Variants in MIOS observed in about 807,000 individuals in gnomAD.
The protein encoded by MIOS is GATOR2 complex protein MIOS.
In MIOS, 52 loss-of-function variants were observed where a neutral mutation model predicts 96.9. That is an observed-to-expected ratio of 0.54 (90% CI 0.43 to 0.68). The LOEUF is 0.68. Among genes scored for constraint, MIOS ranks in the 30% least tolerant of loss-of-function variants. MIOS has a pLI of 0.00. For synonymous variants in MIOS, 397 were observed against 359.5 expected, an observed-to-expected ratio of 1.10 and a Z score of -1.18; for missense variants, 1,005 against 1,052.8, an observed-to-expected ratio of 0.95 and a Z score of 0.63.
At chr7:7,567,212 G>A (rs1004692938) in intron 1 of MIOS, 140 bp downstream of exon 1, 3 of 152,270 alleles carry the variant, frequency 2.0e-5, no homozygotes, top group Admixed American at 6.5e-5. Context: ...CGCGCCGGGC[G>A]GCCGGCCGCC....
chr7:7,603,908 TG>T (rs1374770208), intron 11 of MIOS, among the ~76,000 whole-genome samples: 3 of 152,100 alleles, frequency 2.0e-5, no homozygotes, highest in Admixed American at 6.6e-5. Context: ...TCATGTCCTT[TG>T]TAGGGACATG....
rs950384779 is a variant in MIOS at position 7,594,269 on chromosome 7, G to C, written c.2044-711G>C. ...CTAGATAGGAAGGACCAAGCTAACT[G>C]TTAGTTCAGATGTGACTGAGCAATT... On this transcript the variant is annotated intron_variant, in intron 9 of 12. Coordinates refer to ENST00000340080, the MANE Select transcript of MIOS (RefSeq NM_019005.4). 2.0e-5 allele frequency among the ~76,000 whole-genome samples: 3 copies of C among 151,682 alleles called. No individual in the cohort carries two copies. In the East Asian group the frequency reaches 5.8e-4, roughly 29 times the overall value.
intron 9 of MIOS, among the ~76,000 whole-genome samples, chr7:7,593,633 C>T (rs1362017967): frequency 1.3e-5 from 2 of 151,894 alleles, no homozygotes; most frequent in African/African-American, 4.8e-5. Flanking sequence ...GTGACTCATG[C>T]GTGTAATCCC....
intron 10 of MIOS, among the ~76,000 whole-genome samples, chr7:7,595,465 G>A (rs77116710): frequency 0.013 from 1,923 of 152,218 alleles, 32 homozygotes; most frequent in African/African-American, 0.044. Context: ...GTGCAGTAAG[G>A]CAGGATTTGG....
intron 10 of MIOS, among the ~76,000 whole-genome samples, chr7:7,596,023 C>G (rs1784193705): frequency 6.6e-6 from 1 of 152,032 alleles, no homozygotes; most frequent in Non-Finnish European, 1.5e-5. Context: ...TTGAGTTCTT[C>G]CACCAATTTC....
At chr7:7,604,474 A>G (rs961210415) in intron 11 of MIOS, among the ~76,000 whole-genome samples, 2 of 152,168 alleles carry the variant, frequency 1.3e-5, no homozygotes, top group African/African-American at 4.8e-5. Flanking sequence ...TTTGGTACCT[A>G]TTGTTCCAAG....
chr7:7,579,333 A>T (rs1233831804), intron 5 of MIOS, among the ~76,000 whole-genome samples: 1 of 152,264 alleles, frequency 6.6e-6, no homozygotes, highest in Non-Finnish European at 1.5e-5. Context: ...CTTAACATGC[A>T]GGACATATTA....
In MIOS at chr7:7,596,396, G is replaced by A. The variant is rs1260647300; in HGVS notation, c.2336G>A (p.Arg779Gln). The A allele has an allele frequency of 6.2e-7, 1 of 1,614,074 alleles. No individual in the cohort carries two copies. Among genetic ancestry groups the A allele is most frequent in the Non-Finnish European group, 8.5e-7 (1 of 1,180,010 alleles). Reference sequence around the variant, plus strand: ...AAAGTCACAAGTTGTCCTGGCTGTCGAAAACCACTTCCTCGATGTGCGCTT... The same window carrying A: ...AAAGTCACAAGTTGTCCTGGCTGTCAAAAACCACTTCCTCGATGTGCGCTT... ...KSKVTSCPGCRKPLPRCALCL... is the reference protein window; with the variant it reads ...KSKVTSCPGCQKPLPRCALCL... Residue 779 changes from arginine to glutamine, a missense_variant, in exon 11 of 13, where the codon CGA becomes CAA. Around this residue, in one of 3 missense-constraint regions of MIOS, gnomAD observed 865 missense variants for 887.9 expected, o/e 0.97. Transcript: ENST00000340080.
In MIOS at chr7:7,583,511, C is replaced by T; in HGVS notation, c.1648+139C>T. On this transcript the variant is annotated intron_variant, in intron 6 of 12. Coordinates refer to ENST00000340080, the MANE Select transcript of MIOS (RefSeq NM_019005.4). ...ATTTAATTTTTGTTGGAGGAGAAAA[C>T]ACAGCAGTATATCTATAACAGTAAA... 4 of 981,906 alleles carry T rather than the reference C, an allele frequency of 4.1e-6. No individual in the cohort carries two copies. In the South Asian group the frequency reaches 8.6e-5, roughly 21 times the overall value. 60.8% of individuals were successfully genotyped at this position (981,906 alleles called of 1,614,324 possible). A position where few individuals can be genotyped will look rare whatever the true frequency, so the allele number is the denominator to read the frequency against.
intron 5 of MIOS, among the ~76,000 whole-genome samples, chr7:7,575,281 G>T (rs1472119900): frequency 2.6e-5 from 4 of 152,018 alleles, no homozygotes; most frequent in African/African-American, 9.7e-5. Flanking sequence ...TTTAGAGTAG[G>T]TTAAGTGTTT....
rs1783372335 is a variant in MIOS, at chr7:7,572,028, T to C, written c.-40-408T>C. On this transcript the variant is annotated intron_variant, in intron 3 of 12. Transcript: ENST00000340080. The surrounding 1 kb of genome is among the most constrained non-coding windows in gnomAD (Gnocchi z 4.8). ...ATTTCTGTCATTGCAGAAAGTTTTA[T>C]TGGGCAGTGCTGCTTTAAACTATTG... Among the ~76,000 whole-genome samples, 1 of 152,256 alleles carries C rather than the reference T, an allele frequency of 6.6e-6. No individual in the cohort carries two copies.
intron 11 of MIOS, 51 bp from the exon 12 acceptor site, chr7:7,605,891 T>G (rs771488483): frequency 2.6e-6 from 4 of 1,516,334 alleles, no homozygotes; most frequent in Non-Finnish European, 3.6e-6. Flanking sequence ...AAAGTAACTT[T>G]AAATAAAATA....
chr7:7,568,490 A>G (rs1463684224), intron 3 of MIOS, among the ~76,000 whole-genome samples: 14 of 152,178 alleles, frequency 9.2e-5, no homozygotes, highest in African/African-American at 2.7e-4. Context: ...GTGAAAAAAA[A>G]TACACTTCTT....
rs752165272 is a variant in MIOS, at chr7:7,608,026, G to C, written c.*934G>C. On this transcript the variant is annotated 3_prime_UTR_variant, in exon 13 of 13. Transcript: ENST00000340080. Reference sequence around the variant, plus strand: ...TTTCTGTGCTGTCAAATTCCGTCCTGATTTGGAATACCATACCTTGTTCTT... The same window carrying C: ...TTTCTGTGCTGTCAAATTCCGTCCTCATTTGGAATACCATACCTTGTTCTT... The C allele has an allele frequency of 1.3e-5, 2 of 152,100 alleles. No homozygotes were observed. The highest frequency in any genetic ancestry group is 2.4e-5 in the African/African-American group (1 of 41,412). 9.4% of individuals were successfully genotyped at this position (152,100 alleles called of 1,614,324 possible).
chr7:7,587,233 T>G (rs1783916753), intron 7 of MIOS, among the ~76,000 whole-genome samples: 2 of 152,038 alleles, frequency 1.3e-5, no homozygotes, highest in Non-Finnish European at 2.9e-5. Flanking sequence ...ATATCAATTC[T>G]GGTCTCGAAC....
At chr7:7,583,085 A>G in intron 5 of MIOS, 33 bp from the exon 6 acceptor site, 2 of 1,575,524 alleles carry the variant, frequency 1.3e-6, no homozygotes, top group Non-Finnish European at 1.7e-6. Flanking sequence ...ATATTTTGAA[A>G]TAAAACAATA....
chr7:7,574,115 G>C lies in MIOS; in HGVS notation c.1312G>C (p.Glu438Gln). Residue 438 changes from glutamate to glutamine, a missense_variant, in exon 5 of 13, where the codon GAA becomes CAA. This residue lies in a region of MIOS where 865 missense variants were observed against 887.9 expected (regional missense o/e 0.97). Transcript: ENST00000340080. ...TTAAATACTTATGAAGCAATACACA[G>C]AAGATATGGATCAGAAATCTCCAGG... is the stretch of plus-strand genomic sequence containing the variant. ...YTLHFMKQYT[E>Q]DMDQKSPGNK... 1 of 1,609,072 alleles carries C rather than the reference G, an allele frequency of 6.2e-7. No individual in the cohort carries two copies. Among genetic ancestry groups the C allele is most frequent in the Non-Finnish European group, 8.5e-7 (1 of 1,176,700 alleles).
Position 7,587,460 on chromosome 7 carries a change from T to G in MIOS, c.1819-1038T>G, listed in dbSNP as rs1027908795. Among the ~76,000 whole-genome samples, 107 of 152,328 alleles carry G rather than the reference T, an allele frequency of 7.0e-4. 1 individual carries two copies. Among genetic ancestry groups the G allele is most frequent in the African/African-American group, 2.5e-3 (105 of 41,562 alleles). On this transcript the variant is annotated intron_variant, in intron 7 of 12. Coordinates refer to ENST00000340080, the MANE Select transcript of MIOS (RefSeq NM_019005.4). Reference sequence around the variant, plus strand: ...AAATAATTATAATTAATGTTGCTATTTAAAAAATGTTAATAGTAATGTGAA... The same window carrying G: ...AAATAATTATAATTAATGTTGCTATGTAAAAAATGTTAATAGTAATGTGAA...
chr7:7,597,688 T>G (rs1300430520), intron 11 of MIOS, among the ~76,000 whole-genome samples: 4 of 149,200 alleles, frequency 2.7e-5, no homozygotes, highest in Non-Finnish European at 3.0e-5. Flanking sequence ...ACAGTGTTCG[T>G]TTTTGTTTGT....
Sources: gnomAD v4.1 joint callset for allele counts (sites outside exome capture counted in the v4.1 genomes callset) on GRCh38, gnomAD v4.1.1 for gene constraint, gnomAD v4.1.1 regional missense constraint, Gnocchi (gnomAD v3.1) non-coding constraint, MANE v1.5 for transcripts, NCBI Gene and HGNC (gene_info 2026-07-23, HGNC 2026-07-21) for gene names.